Variants in ADGRG1 observed in about 807,000 individuals in gnomAD.
ADGRG1 encodes the protein 7-transmembrane protein with no EGF-like N-terminal domains-1.
Under a neutral mutation model 73.5 loss-of-function variants are expected in ADGRG1, and 53 were observed. That is an observed-to-expected ratio of 0.72 (90% confidence interval 0.58 to 0.91). ADGRG1 has a LOEUF of 0.91. ADGRG1 is among the 40% of genes least tolerant of loss of function. The probability of loss-of-function intolerance (pLI) is 0.00; values close to 1 mark genes in which losing one functional copy is unlikely to be tolerated. For synonymous variants in ADGRG1, 394 were observed against 374.4 expected (o/e 1.05, Z -0.60); for missense variants, 795 against 871.8 (o/e 0.91, Z 1.11).
chr16:57,656,508 C>T lies in ADGRG1; in HGVS notation c.1064-6C>T, dbSNP rs2148445475. ...TGATTGGAGCCCCGTGCTGTCCCCT[C>T]CTCAGTGAGCAGCCCGGGGCATTGG... On this transcript the variant is annotated splice_polypyrimidine_tract_variant and splice_region_variant and intron_variant, in intron 8 of 13. Coordinates refer to ENST00000562631, the MANE Select transcript of ADGRG1 (RefSeq NM_201525.4). 6.2e-7 allele frequency: 1 copy of T among 1,607,008 alleles called. No homozygotes were observed. The highest frequency in any genetic ancestry group is 2.2e-5 in the East Asian group (1 of 44,840).
intron 1 of ADGRG1, among the ~76,000 whole-genome samples, chr16:57,638,372 G>A (rs945139230): frequency 5.9e-5 from 9 of 152,172 alleles, no homozygotes; most frequent in Admixed American, 3.9e-4. Flanking sequence ...TGGTAGAAAT[G>A]GATCTCCAAA....
chr16:57,647,449 A>T (rs2148065401), intron 1 of ADGRG1: 1 of 984,966 alleles, frequency 1.0e-6, no homozygotes, highest in South Asian at 4.7e-5. Flanking sequence ...GAAAGTACAG[A>T]GATACTTAGC....
At position 57,628,911 on chromosome 16, in the gene ADGRG1, T is replaced by TGAGC. The variant is rs1429856922; in HGVS notation, c.-36+110_-36+111insAGCG. ...GAGTGTGAGTGTGTGAGTGTGAGTG[T>TGAGC]GTGAGAGTGAGTGTGAGTGTGAGTG... On this transcript the variant is annotated intron_variant, in intron 1 of 13. Transcript: ENST00000562631. 2.5e-5 allele frequency: 21 copies of TGAGC among 842,698 alleles called. No homozygotes were observed. The South Asian group carries it at 1.2e-3, about 46-fold the overall frequency. 52.2% of individuals were successfully genotyped at this position (842,698 alleles called of 1,614,324 possible).
chr16:57,645,065 A>G (rs1348693845), intron 1 of ADGRG1: 53 of 985,248 alleles, frequency 5.4e-5, no homozygotes, highest in Middle Eastern at 5.2e-4. Context: ...ATGCACACGC[A>G]CACACACCCA....
At chr16:57,657,245 A>C in intron 9 of ADGRG1, 128 bp from the exon 10 acceptor site, 2 of 1,342,762 alleles carry the variant, frequency 1.5e-6, no homozygotes, top group Non-Finnish European at 2.1e-6. Flanking sequence ...CATTCTGCTC[A>C]GTTGGGAGAG....
chr16:57,641,226 G>T, intron 1 of ADGRG1: 1 of 912,698 alleles, frequency 1.1e-6, no homozygotes. Flanking sequence ...ATTCCAGTTG[G>T]CTGCAGAGCT....
intron 1 of ADGRG1, 176 bp downstream of exon 1, chr16:57,628,978 GA>G (rs2036817598): frequency 6.2e-6 from 2 of 321,356 alleles, no homozygotes; most frequent in East Asian, 6.9e-4. Flanking sequence ...GAGTGTGTGA[GA>G]GTGAGTGAGA....
At chr16:57,644,940 C>T (rs552243466) in intron 1 of ADGRG1, 248 of 325,300 alleles carry the variant, frequency 7.6e-4, no homozygotes, top group African/African-American at 5.0e-3. Flanking sequence ...CACTCATGCA[C>T]GGGCACCCAC....
At chr16:57,622,649 T>C (rs1191469218) in intron 2 of ADGRG1, 1 of 420,432 alleles carries the variant, frequency 2.4e-6, no homozygotes, top group East Asian at 1.6e-4. Context: ...CTCAGGGGCT[T>C]CTGAAGGCTG....
intron 5 of ADGRG1, 149 bp from the exon 6 acceptor site, chr16:57,655,250 G>T: frequency 6.4e-7 from 1 of 1,554,952 alleles, no homozygotes; most frequent in Non-Finnish European, 8.7e-7. Flanking sequence ...GATGAGGAGG[G>T]CTGTCATGAG....
chr16:57,659,815 C>A, intron 11 of ADGRG1, 134 bp downstream of exon 11: 1 of 921,172 alleles, frequency 1.1e-6, no homozygotes, highest in Non-Finnish European at 1.7e-6. Flanking sequence ...CCTCAGGTGT[C>A]CTTCACCTTG....
At chr16:57,646,742 C>G in intron 1 of ADGRG1, 1 of 957,112 alleles carries the variant, frequency 1.0e-6, no homozygotes, top group Non-Finnish European at 1.2e-6. Context: ...GAACACACAG[C>G]CTTCCCCAGC....
chr16:57,629,819 A>T (rs1389046427), intron 1 of ADGRG1, among the ~76,000 whole-genome samples: 1 of 152,130 alleles, frequency 6.6e-6, no homozygotes, highest in Non-Finnish European at 1.5e-5. Context: ...AGTGTGTAGG[A>T]AACCAATGAT....
intron 1 of ADGRG1, chr16:57,632,208 G>A: frequency 1.0e-6 from 1 of 985,442 alleles, no homozygotes. Context: ...AGGCTCCTCA[G>A]CCAGCCAGGC....
intron 1 of ADGRG1, chr16:57,633,556 T>C (rs1288345483): frequency 2.0e-6 from 2 of 976,888 alleles, no homozygotes; most frequent in Admixed American, 1.2e-4. Flanking sequence ...GGGTGTGGGC[T>C]CTGGGGCTGC....
Position 57,655,957 on chromosome 16 carries a change from C to G in ADGRG1, c.982C>G (p.Pro328Ala). Residue 328 changes from proline (P) to alanine (A), a missense_variant, in exon 7 of 14, where the codon CCC becomes GCC. By Grantham distance (27) the Pro-to-Ala change is conservative. Transcript: ENST00000562631. ...CACCAAAGTAGCCAACCTCACGGAG[C>G]CCGTGGTGCTCACTTTCCAGCACCA... ...QNTKVANLTE[P>A]VVLTFQHQLQ... 6.2e-7 allele frequency: 1 copy of G among 1,614,076 alleles called. No homozygotes were observed. The highest frequency in any genetic ancestry group is 1.1e-5 in the South Asian group (1 of 91,088).
chr16:57,659,156 C>T (rs1317183364), intron 10 of ADGRG1: 5 of 985,376 alleles, frequency 5.1e-6, no homozygotes, highest in Non-Finnish European at 6.0e-6. Context: ...TGGTTGTCTT[C>T]CTCGCTCTGC....
chr16:57,639,455 C>G (rs889419146), intron 1 of ADGRG1: 1 of 985,312 alleles, frequency 1.0e-6, no homozygotes, highest in South Asian at 4.7e-5. Context: ...GGCTTCTCAG[C>G]CTCTATTCCC....
At chr16:57,653,369 A>T (rs973742833) in intron 4 of ADGRG1, 34 bp downstream of exon 4, 11 of 1,602,624 alleles carry the variant, frequency 6.9e-6, no homozygotes, top group Non-Finnish European at 9.3e-6. Flanking sequence ...GAGGGGAGGC[A>T]GGAAGGCATC....
Sources: gnomAD v4.1 joint callset for allele counts (sites outside exome capture counted in the v4.1 genomes callset) on GRCh38, gnomAD v4.1.1 for gene constraint, MANE v1.5 for transcripts, NCBI Gene and HGNC (gene_info 2026-07-23, HGNC 2026-07-21) for gene names.